ASAP2: variants seen among roughly 807,000 people sequenced by gnomAD.
The protein encoded by ASAP2 is arf-GAP with SH3 domain, ANK repeat and PH domain-containing protein 2.
Under a neutral mutation model 131.4 loss-of-function variants are expected in ASAP2, and 45 were observed. The observed-to-expected ratio is 0.34, with a 90% CI of 0.27 to 0.44. The LOEUF (loss-of-function observed/expected upper bound fraction) is 0.44. ASAP2 is among the 20% of genes least tolerant of loss of function. The pLI is 1.00. For missense variants in ASAP2, 1,011 were observed against 1,297.0 expected (o/e 0.78, Z 3.39); for synonymous variants, 510 against 503.0 (o/e 1.01, Z -0.19).
chr2:9,378,966 G>A lies in ASAP2; in HGVS notation c.1855G>A (p.Gly619Arg). 6.6e-7 allele frequency: 1 copy of A among 1,511,192 alleles called. No individual in the cohort carries two copies. The allele number at this position is 1,511,192 out of a possible 1,614,324, so 93.6% of individuals were successfully genotyped here. The part of the protein sequence containing the change: ...QNSGNLDKQT[G>R]KGSTALHYCC... ...CAGTGGGAACCTGGATAAACAGACA[G>A]GGAAAGGCAGCACAGCCCTGCACTA... The change falls in exon 19 of 28, where the codon GGG becomes AGG. Residue 619 changes from glycine to arginine, a missense_variant. Physicochemically the swap from Gly to Arg is moderately radical, Grantham distance 125 (BLOSUM62 -2). Coordinates refer to ENST00000281419, the MANE Select transcript of ASAP2 (RefSeq NM_003887.3).
intron 3 of ASAP2, among the ~76,000 whole-genome samples, chr2:9,300,625 A>G (rs1668421167): frequency 6.6e-6 from 1 of 152,226 alleles, no homozygotes. Context: ...CTATGCATGA[A>G]GGATACTCTG....
chr2:9,225,737 G>A (rs1462196473), intron 1 of ASAP2, among the ~76,000 whole-genome samples: 1 of 152,214 alleles, frequency 6.6e-6, no homozygotes, highest in Non-Finnish European at 1.5e-5. Flanking sequence ...AGACCAATAG[G>A]AAGCATTGGC....
At chr2:9,304,927 G>A (rs1668757894) in intron 3 of ASAP2, among the ~76,000 whole-genome samples, 1 of 150,924 alleles carries the variant, frequency 6.6e-6, no homozygotes, top group Non-Finnish European at 1.5e-5. Flanking sequence ...TGGAGAGGCT[G>A]GAGTAGTGAG....
At chr2:9,400,918 C>T in intron 26 of ASAP2, 88 bp downstream of exon 26, 1 of 1,310,544 alleles carries the variant, frequency 7.6e-7, no homozygotes. Context: ...GCAAGTCTTC[C>T]CCTCTTCCCC....
rs1558409336 is a variant in ASAP2, at chr2:9,403,245, C to T, written c.2947-8C>T. 1 of 1,613,564 alleles carries T rather than the reference C, an allele frequency of 6.2e-7. No individual in the cohort carries two copies. The highest frequency in any genetic ancestry group is 8.5e-7 in the Non-Finnish European group (1 of 1,179,530). ...TTTAATAACAACCTACACTTTTCTC[C>T]ATTTCAGATTGGCCACATTGATGGA... On this transcript the variant is annotated splice_region_variant and splice_polypyrimidine_tract_variant and intron_variant, in intron 27 of 27. Coordinates refer to ENST00000281419, the MANE Select transcript of ASAP2 (RefSeq NM_003887.3).
intron 1 of ASAP2, among the ~76,000 whole-genome samples, chr2:9,260,575 T>G (rs1325619121): frequency 1.3e-5 from 2 of 152,098 alleles, no homozygotes; most frequent in Non-Finnish European, 2.9e-5. Flanking sequence ...TCACACTCCT[T>G]TTTTAGAAAA....
intron 1 of ASAP2, among the ~76,000 whole-genome samples, chr2:9,276,000 A>C (rs1480915531): frequency 6.6e-6 from 1 of 152,210 alleles, no homozygotes; most frequent in Non-Finnish European, 1.5e-5. Context: ...AGAGCTGGAC[A>C]AGTTAAAAAA....
At chr2:9,335,564 G>A (rs1318983380) in intron 9 of ASAP2, among the ~76,000 whole-genome samples, 3 of 152,150 alleles carry the variant, frequency 2.0e-5, no homozygotes, top group Admixed American at 1.3e-4. Context: ...GCCTAGGCAC[G>A]TAGCAGGGGA....
chr2:9,370,143 T>G (rs1249854305), intron 16 of ASAP2, among the ~76,000 whole-genome samples: 1 of 152,196 alleles, frequency 6.6e-6, no homozygotes, highest in Non-Finnish European at 1.5e-5. Flanking sequence ...TGGCCTAGAT[T>G]TTTTTTAACC....
At chr2:9,265,491 A>G (rs1665877543) in intron 1 of ASAP2, among the ~76,000 whole-genome samples, 1 of 152,260 alleles carries the variant, frequency 6.6e-6, no homozygotes, top group East Asian at 1.9e-4. Context: ...GTAACAAAGT[A>G]TAGGATAGTA....
intron 1 of ASAP2, among the ~76,000 whole-genome samples, chr2:9,259,274 G>C (rs1025338347): frequency 1.3e-5 from 2 of 152,230 alleles, no homozygotes; most frequent in African/African-American, 4.8e-5. Flanking sequence ...TCAACGCTGA[G>C]AATAAATGGC....
At chr2:9,377,068 A>C in intron 18 of ASAP2, 75 bp downstream of exon 18, 1 of 1,280,426 alleles carries the variant, frequency 7.8e-7, no homozygotes, top group Non-Finnish European at 1.1e-6. Context: ...ACGCTGCCTC[A>C]TCGCTTCTGA....
intron 1 of ASAP2, among the ~76,000 whole-genome samples, chr2:9,236,965 T>C (rs1572219823): frequency 6.6e-6 from 1 of 151,802 alleles, no homozygotes; most frequent in South Asian, 2.1e-4. Flanking sequence ...AGGGCTGGGG[T>C]ACGGAGACGG....
chr2:9,360,184 AGT>A (rs1304068988), intron 15 of ASAP2, among the ~76,000 whole-genome samples: 4 of 152,218 alleles, frequency 2.6e-5, no homozygotes, highest in Non-Finnish European at 5.9e-5. Flanking sequence ...AACAATGGAA[AGT>A]GTTAAGTGAT....
chr2:9,317,526 ACT>A (rs752608159), intron 3 of ASAP2, among the ~76,000 whole-genome samples: 7 of 143,634 alleles, frequency 4.9e-5, no homozygotes, highest in Non-Finnish European at 4.6e-5. Flanking sequence ...CACACCCCAC[ACT>A]CAAATCCACA....
At chr2:9,347,915 C>T (rs149122636) in intron 11 of ASAP2, among the ~76,000 whole-genome samples, 19 of 152,274 alleles carry the variant, frequency 1.2e-4, no homozygotes, top group East Asian at 9.7e-4. Context: ...AAAAATAGAA[C>T]GGCACGATTA....
intron 1 of ASAP2, among the ~76,000 whole-genome samples, chr2:9,211,354 A>G (rs1288954752): frequency 6.6e-6 from 1 of 152,128 alleles, no homozygotes; most frequent in African/African-American, 2.4e-5. Flanking sequence ...TGTGGCAGAA[A>G]TTTGAAAAGT....
intron 3 of ASAP2, among the ~76,000 whole-genome samples, chr2:9,318,230 T>G (rs1048449423): frequency 6.6e-6 from 1 of 152,258 alleles, no homozygotes; most frequent in African/African-American, 2.4e-5. Context: ...TTGAATGTTT[T>G]GAAATATTTT....
chr2:9,229,156 C>T (rs1186759751), intron 1 of ASAP2, among the ~76,000 whole-genome samples: 1 of 152,138 alleles, frequency 6.6e-6, no homozygotes, highest in African/African-American at 2.4e-5. Flanking sequence ...GGAGCCCCCC[C>T]CGCATCATCA....
Sources: allele counts gnomAD v4.1 joint callset (sites outside exome capture counted in the v4.1 genomes callset), GRCh38; gene constraint gnomAD v4.1.1; transcripts MANE v1.5; gene names NCBI Gene and HGNC (gene_info 2026-07-23, HGNC 2026-07-21).